The following TC2N variants were observed in gnomAD, a reference collection of about 807,000 sequenced individuals.
The protein encoded by TC2N is tandem C2 domains nuclear protein.
A neutral mutation model predicts 61.9 loss-of-function variants in TC2N; 51 were observed. That is an observed-to-expected ratio of 0.82 (90% CI 0.66 to 1.04). The LOEUF (loss-of-function observed/expected upper bound fraction) is 1.04, where lower values mean the gene tolerates loss of function less well. Among genes scored for constraint, TC2N ranks in the 50% least tolerant of loss-of-function variants. TC2N has a pLI of 0.00. For synonymous variants in TC2N, 204 were observed against 192.6 expected (o/e 1.06, Z -0.49); for missense variants, 556 against 566.7 (o/e 0.98, Z 0.19).
chr14:91,836,159 A>G (rs1359170130), intron 1 of TC2N: 1 of 152,578 alleles, frequency 6.6e-6, no homozygotes, highest in Admixed American at 6.5e-5. Context: ...AGTTAAAGAC[A>G]AAAGAGACAG....
intron 2 of TC2N, among the ~76,000 whole-genome samples, 173 bp downstream of exon 2, chr14:91,813,530 C>T (rs1886870741): frequency 1.3e-5 from 2 of 151,670 alleles, no homozygotes; most frequent in Non-Finnish European, 3.0e-5. Context: ...TTGAATTACT[C>T]TCTCTCTCCC....
chr14:91,809,372 C>T (rs1886664465), intron 3 of TC2N, among the ~76,000 whole-genome samples: 1 of 152,132 alleles, frequency 6.6e-6, no homozygotes, highest in African/African-American at 2.4e-5. Context: ...CATGCCACTG[C>T]ACTCCAGCCT....
At position 91,828,849 on chromosome 14, in the gene TC2N, A is replaced by C. The variant is rs977747016; in HGVS notation, c.-56-15024T>G. On this transcript the variant is annotated intron_variant, in intron 1 of 11. Transcript: ENST00000435962. ...AGACTACTACATAGGTTGTAGGTAC[A>C]TAATGTTCAGCTTTTATTTTTTAAC... is the stretch of plus-strand genomic sequence containing the variant. 2.6e-5 allele frequency among the ~76,000 whole-genome samples: 4 copies of C among 152,014 alleles called. No individual in the cohort carries two copies. The East Asian group carries it at 7.7e-4, about 29-fold the overall frequency.
intron 1 of TC2N, among the ~76,000 whole-genome samples, chr14:91,828,204 G>A (rs998884498): frequency 2.6e-5 from 4 of 152,024 alleles, no homozygotes; most frequent in African/African-American, 9.6e-5. Flanking sequence ...ATATTTTTTT[G>A]TGAAAAGTAT....
In TC2N at chr14:91,782,807, C is replaced by A; in HGVS notation, c.*293G>T. The A allele has an allele frequency of 3.5e-6, 1 of 287,488 alleles. No individual in the cohort carries two copies. The highest frequency in any genetic ancestry group is 6.4e-6 in the Non-Finnish European group (1 of 155,190). 17.8% of individuals were successfully genotyped at this position (287,488 alleles called of 1,614,324 possible). A position where few individuals can be genotyped will look rare whatever the true frequency, so the allele number is the denominator to read the frequency against. On this transcript the variant is annotated 3_prime_UTR_variant, in exon 12 of 12. Transcript: ENST00000435962. Reference sequence around the variant, plus strand: ...GAAAACATAATATAGAAAGAACTATCTATGGTTGATATTCTCACAGACTTT... The same window carrying A: ...GAAAACATAATATAGAAAGAACTATATATGGTTGATATTCTCACAGACTTT...
rs906922948 is a variant in TC2N at position 91,813,788 on chromosome 14, T to C, written c.-19A>G. 1.9e-6 allele frequency: 3 copies of C among 1,581,024 alleles called. No homozygotes were observed. Among genetic ancestry groups the C allele is most frequent in the Admixed American group, 3.4e-5 (2 of 59,278 alleles). On this transcript the variant is annotated 5_prime_UTR_variant, in exon 2 of 12. Coordinates refer to ENST00000435962, the MANE Select transcript of TC2N (RefSeq NM_001128596.3). ...TTGCCATTACATTCAATTTCCAATA[T>C]CCAGCAAAAGACACAAACTTCCAAT... is the stretch of plus-strand genomic sequence containing the variant.
At chr14:91,806,003 A>G (rs899824051) in intron 3 of TC2N, among the ~76,000 whole-genome samples, 2 of 152,152 alleles carry the variant, frequency 1.3e-5, no homozygotes, top group African/African-American at 4.8e-5. Context: ...TAACTGAATC[A>G]TGGGGACAGT....
At chr14:91,792,260 T>C (rs1280149269) in intron 9 of TC2N, 107 bp downstream of exon 9, 4 of 579,044 alleles carry the variant, frequency 6.9e-6, no homozygotes, top group Admixed American at 6.2e-5. Flanking sequence ...TTGAGAGCCT[T>C]CCAGATCCTC....
intron 1 of TC2N, among the ~76,000 whole-genome samples, chr14:91,818,175 T>A (rs1399231504): frequency 6.6e-6 from 1 of 152,064 alleles, no homozygotes; most frequent in Non-Finnish European, 1.5e-5. Context: ...CAGCGAGAGT[T>A]TGCATAACAG....
chr14:91,866,670 C>G (rs772666642), intron 1 of TC2N: 1 of 152,224 alleles, frequency 6.6e-6, no homozygotes, highest in Non-Finnish European at 1.5e-5. Context: ...AAGCTCAGCC[C>G]AGCTCCTGGA....
chr14:91,841,594 A>G (rs1815816018), intron 1 of TC2N, among the ~76,000 whole-genome samples: 1 of 152,110 alleles, frequency 6.6e-6, no homozygotes, highest in African/African-American at 2.4e-5. Flanking sequence ...TGGCCAGAGG[A>G]CCCAAGATGA....
intron 1 of TC2N, among the ~76,000 whole-genome samples, chr14:91,836,722 C>A (rs1888041360): frequency 7.2e-6 from 1 of 139,018 alleles, no homozygotes; most frequent in South Asian, 2.4e-4. Context: ...CCTGCGTCCT[C>A]CGCGACTCCG....
chr14:91,860,391 T>C (rs1166040791), intron 1 of TC2N, among the ~76,000 whole-genome samples: 1 of 152,152 alleles, frequency 6.6e-6, no homozygotes, highest in East Asian at 1.9e-4. Context: ...TTCTTTTCAT[T>C]GCAGGACTTC....
intron 3 of TC2N, among the ~76,000 whole-genome samples, 170 bp from the exon 4 acceptor site, chr14:91,802,591 A>G (rs1172578609): frequency 6.6e-6 from 1 of 152,234 alleles, no homozygotes; most frequent in East Asian, 1.9e-4. Context: ...TGTGTGAAGT[A>G]TTATGCCAAG....
At chr14:91,803,428 CAT>C (rs3030729) in intron 3 of TC2N, among the ~76,000 whole-genome samples, 6 of 147,162 alleles carry the variant, frequency 4.1e-5, no homozygotes, top group Admixed American at 2.0e-4. Flanking sequence ...CACACACACA[CAT>C]ATATATATAT....
At chr14:91,797,671 G>A (rs1227396200) in intron 8 of TC2N, 114 bp downstream of exon 8, 2 of 696,022 alleles carry the variant, frequency 2.9e-6, no homozygotes, top group Admixed American at 3.1e-5. Flanking sequence ...ATACATAGTT[G>A]TAGTTTCCCT....
At chr14:91,851,920 T>G (rs1888383757) in intron 1 of TC2N, among the ~76,000 whole-genome samples, 1 of 152,240 alleles carries the variant, frequency 6.6e-6, no homozygotes, top group Non-Finnish European at 1.5e-5. Flanking sequence ...GGTTTAGTGC[T>G]TCAAAAAGTA....
At chr14:91,783,285 T>C (rs1885213842) in intron 11 of TC2N, 75 bp from the exon 12 acceptor site, 1 of 761,764 alleles carries the variant, frequency 1.3e-6, no homozygotes, top group African/African-American at 1.8e-5. Flanking sequence ...TAGTTACTCT[T>C]ACTGATGGAA....
intron 1 of TC2N, among the ~76,000 whole-genome samples, chr14:91,865,998 C>T (rs1288974884): frequency 1.3e-5 from 2 of 152,146 alleles, no homozygotes; most frequent in Admixed American, 6.5e-5. Context: ...GGTGGACTGT[C>T]TATCCTGTTC....
Sources: gnomAD v4.1 joint callset for allele counts (sites outside exome capture counted in the v4.1 genomes callset) on GRCh38, gnomAD v4.1.1 for gene constraint, MANE v1.5 for transcripts, NCBI Gene and HGNC (gene_info 2026-07-23, HGNC 2026-07-21) for gene names.